Variants in KMT5B observed in about 807,000 individuals in gnomAD.
The protein encoded by KMT5B is lysine methyltransferase 5B.
In KMT5B, 10 loss-of-function variants were observed where a neutral mutation model predicts 83.2. That is an observed-to-expected ratio of 0.12 (90% CI 0.07 to 0.20). The LOEUF is 0.20. KMT5B is among the 10% of genes least tolerant of loss of function. The pLI, the probability that KMT5B is intolerant of heterozygous loss-of-function variation, is 1.00. For missense variants in KMT5B, 753 were observed against 1,067.2 expected (o/e 0.71, Z 4.10); for synonymous variants, 349 against 388.8 (o/e 0.90, Z 1.20).
intron 1 of KMT5B, among the ~76,000 whole-genome samples, chr11:68,190,856 G>A (rs1857957643): frequency 6.6e-6 from 1 of 152,188 alleles, no homozygotes; most frequent in Non-Finnish European, 1.5e-5. Context: ...AGTGGCATGA[G>A]CCTGTGGTTC....
intron 1 of KMT5B, among the ~76,000 whole-genome samples, chr11:68,190,737 A>G (rs1294496018): frequency 4.6e-5 from 7 of 151,960 alleles, no homozygotes; most frequent in African/African-American, 1.7e-4. Flanking sequence ...TAATCCCAGC[A>G]CTTTGGGGGG....
At chr11:68,160,372 T>C (rs151226679) in intron 10 of KMT5B, among the ~76,000 whole-genome samples, 1 of 152,218 alleles carries the variant, frequency 6.6e-6, no homozygotes, top group East Asian at 1.9e-4. Flanking sequence ...GTTTCTCAAT[T>C]ACTTAGTTCT....
chr11:68,165,777 CTTG>C lies in KMT5B; in HGVS notation c.1174+1202_1174+1204del, dbSNP rs746417314. ...GTCAACAGTTAATGATTGACTAACTCTTGTTGTTCACTCTGGACATTAACGAAA... is the reference window on the plus strand; with the variant it reads ...GTCAACAGTTAATGATTGACTAACTCTTGTTCACTCTGGACATTAACGAAA... On this transcript the variant is annotated intron_variant, in intron 10 of 10. Coordinates refer to ENST00000304363, the MANE Select transcript of KMT5B (RefSeq NM_017635.5). 1.6e-4 allele frequency: 248 copies of C among 1,526,936 alleles called. 1 individual carries two copies. The Middle Eastern group carries it at 3.9e-3, about 24-fold the overall frequency. 94.6% of individuals were successfully genotyped at this position (1,526,936 alleles called of 1,614,324 possible).
intron 1 of KMT5B, among the ~76,000 whole-genome samples, chr11:68,191,208 T>TGTGTGTGTGTGTGTGC (rs766456170): frequency 6.7e-6 from 1 of 150,054 alleles, no homozygotes; most frequent in African/African-American, 2.5e-5. Context: ...TGTGTGTGTG[T>TGTGTGTGTGTGTGTGC]AGAGACGAGG....
chr11:68,157,017 C>T lies in KMT5B; in HGVS notation c.*671G>A, dbSNP rs528356045. The T allele has an allele frequency of 1.6e-4, 24 of 151,736 alleles. No homozygotes were observed. The highest frequency in any genetic ancestry group is 5.8e-4 in the African/African-American group (24 of 41,362). 9.4% of individuals were successfully genotyped at this position (151,736 alleles called of 1,614,324 possible). A position where few individuals can be genotyped will look rare whatever the true frequency, so the allele number is the denominator to read the frequency against. On this transcript the variant is annotated 3_prime_UTR_variant, in exon 11 of 11. Transcript: ENST00000304363. ...ATTTACATGACAAGCAATAAATACG[C>T]TGTATCGAACCTCATCCCACACACT...
chr11:68,166,350 C>T (rs1285876236), intron 10 of KMT5B: 2 of 1,034,514 alleles, frequency 1.9e-6, no homozygotes, highest in Non-Finnish European at 2.3e-6. Context: ...CCCCACACAC[C>T]ACTGGAATCT....
intron 1 of KMT5B, among the ~76,000 whole-genome samples, chr11:68,197,271 C>A (rs1157317409): frequency 6.6e-6 from 1 of 152,152 alleles, no homozygotes; most frequent in East Asian, 1.9e-4. Flanking sequence ...CCACGCCCGG[C>A]CATGGAAAGT....
At position 68,170,936 on chromosome 11, in the gene KMT5B, G is replaced by A. The variant is rs1855784642; in HGVS notation, c.977+79C>T. ...ACTATCTCTGCATTTAAACAACAAA[G>A]AGATAATGTGAGTTTAATCCCCATA... On this transcript the variant is annotated intron_variant, in intron 9 of 10. Coordinates refer to ENST00000304363, the MANE Select transcript of KMT5B (RefSeq NM_017635.5). 5 of 1,406,826 alleles carry A rather than the reference G, an allele frequency of 3.6e-6. No homozygotes were observed. The South Asian group carries it at 4.3e-5, about 12-fold the overall frequency. 87.1% of individuals were successfully genotyped at this position (1,406,826 alleles called of 1,614,324 possible). A position where few individuals can be genotyped will look rare whatever the true frequency, so the allele number is the denominator to read the frequency against.
chr11:68,205,366 T>A (rs1388478643), intron 1 of KMT5B, among the ~76,000 whole-genome samples: 1 of 152,098 alleles, frequency 6.6e-6, no homozygotes, highest in Non-Finnish European at 1.5e-5. Context: ...ATCCTTCAAC[T>A]GAAGGTATAA....
At chr11:68,191,173 T>TTGTGTGTG (rs71040600) in intron 1 of KMT5B, among the ~76,000 whole-genome samples, 37,789 of 138,928 alleles carry the variant, frequency 0.27, 5,419 homozygotes, top group East Asian at 0.5. Context: ...TTTTAAAACT[T>TTGTGTGTG]TGTGTGTGTG....
intron 1 of KMT5B, among the ~76,000 whole-genome samples, chr11:68,211,819 G>A (rs935751081): frequency 1.3e-5 from 2 of 152,196 alleles, no homozygotes; most frequent in South Asian, 4.1e-4. Flanking sequence ...AGAGGGACCA[G>A]AATGTCGAAT....
intron 4 of KMT5B, among the ~76,000 whole-genome samples, chr11:68,177,951 T>C (rs1288991550): frequency 1.3e-5 from 2 of 152,174 alleles, no homozygotes; most frequent in Non-Finnish European, 2.9e-5. Context: ...CACTACATGG[T>C]TATTTGCACA....
Position 68,158,616 on chromosome 11 carries a change from TCAC to T in KMT5B, c.1727_1729del (p.Gly576del). On this transcript the variant is annotated inframe_deletion, in exon 11 of 11. Transcript: ENST00000304363. ...CAGCACAGGAGCTGGCTGCAGCTGTTCACCACTGTCGGGGCAAGGTTCCGTCAC... is the reference window on the plus strand; with the variant it reads ...CAGCACAGGAGCTGGCTGCAGCTGTTCACTGTCGGGGCAAGGTTCCGTCAC... 1.2e-6 allele frequency: 2 copies of T among 1,614,220 alleles called. No individual in the cohort carries two copies. The highest frequency in any genetic ancestry group is 1.7e-6 in the Non-Finnish European group (2 of 1,180,048).
chr11:68,207,158 G>A (rs1860226196), intron 1 of KMT5B, among the ~76,000 whole-genome samples: 2 of 151,174 alleles, frequency 1.3e-5, no homozygotes, highest in South Asian at 4.2e-4. Context: ...AGCTTGCAGT[G>A]AGCCAAGATT....
chr11:68,210,326 AAGG>A (rs1336335182), intron 1 of KMT5B, among the ~76,000 whole-genome samples: 1 of 152,212 alleles, frequency 6.6e-6, no homozygotes, highest in African/African-American at 2.4e-5. Context: ...ATTTCAAAAA[AAGG>A]AGGTAAAACT....
chr11:68,157,210 G>A lies in KMT5B; in HGVS notation c.*478C>T, dbSNP rs976433247. On this transcript the variant is annotated 3_prime_UTR_variant, in exon 11 of 11. Coordinates refer to ENST00000304363, the MANE Select transcript of KMT5B (RefSeq NM_017635.5). ...CAGTGTGAAACTGACAAAACTCCAAGGGGGAAACATCTAGCAAATAAATCA... is the reference window on the plus strand; with the variant it reads ...CAGTGTGAAACTGACAAAACTCCAAAGGGGAAACATCTAGCAAATAAATCA... The A allele has an allele frequency of 6.6e-6, 1 of 152,370 alleles. No homozygotes were observed. The highest frequency in any genetic ancestry group is 2.4e-5 in the African/African-American group (1 of 41,318). The allele number at this position is 152,370 out of a possible 1,614,324, so 9.4% of individuals were successfully genotyped here. A position where few individuals can be genotyped will look rare whatever the true frequency, so the allele number is the denominator to read the frequency against.
At chr11:68,194,418 C>G (rs895514841) in intron 1 of KMT5B, among the ~76,000 whole-genome samples, 3 of 152,064 alleles carry the variant, frequency 2.0e-5, no homozygotes, top group African/African-American at 7.2e-5. Context: ...GTCTTGAACT[C>G]CTGGCCACAA....
intron 5 of KMT5B, 137 bp from the exon 6 acceptor site, chr11:68,174,050 C>G (rs1856102106): frequency 2.9e-6 from 2 of 700,028 alleles, no homozygotes; most frequent in Non-Finnish European, 5.1e-6. Context: ...GAGACCCTGT[C>G]TCTACGAAAA....
intron 2 of KMT5B, 88 bp downstream of exon 2, chr11:68,189,829 A>T: frequency 7.6e-7 from 1 of 1,323,074 alleles, no homozygotes; most frequent in Non-Finnish European, 1.0e-6. Context: ...TATTTAAGAC[A>T]AAAGAAAACA....
Sources: allele counts gnomAD v4.1 joint callset (sites outside exome capture counted in the v4.1 genomes callset), GRCh38; gene constraint gnomAD v4.1.1; transcripts MANE v1.5; gene names NCBI Gene and HGNC (gene_info 2026-07-23, HGNC 2026-07-21).